Variants in RARB observed in about 807,000 individuals in gnomAD.
The protein encoded by RARB is HBV-activated protein.
Under a neutral mutation model 51.9 loss-of-function variants are expected in RARB, and 17 were observed. The ratio of observed to expected loss-of-function variants is 0.33; its 90% CI spans 0.22 to 0.49. The LOEUF is 0.49. Ranked by LOEUF, RARB falls within the 20% of genes least tolerant of loss-of-function variation. The probability of loss-of-function intolerance (pLI) is 0.99; values close to 1 mark genes in which losing one functional copy is unlikely to be tolerated. For missense variants in RARB, 369 were observed against 550.8 expected, an observed-to-expected ratio of 0.67 and a Z score of 3.30; for synonymous variants, 215 against 195.4, an observed-to-expected ratio of 1.10 and a Z score of -0.84.
At chr3:25,224,844 A>T (rs900224363) in intron 5 of RARB, among the ~76,000 whole-genome samples, 4 of 151,918 alleles carry the variant, frequency 2.6e-5, no homozygotes, top group Non-Finnish European at 4.4e-5. Context: ...GGCTCGAGCA[A>T]TCCACCCGCC....
chr3:24,872,864 T>C lies in RARB; in HGVS notation c.-380+14112T>C, dbSNP rs528514090. Reference sequence around the variant, plus strand: ...TGTAATATTACAGACTTAACACACATGCACATCCCTTACTCATCCCTGCGC... The same window carrying C: ...TGTAATATTACAGACTTAACACACACGCACATCCCTTACTCATCCCTGCGC... On this transcript the variant is annotated intron_variant, in intron 2 of 11. Coordinates refer to the RARB transcript ENST00000383772. Among the ~76,000 whole-genome samples the C allele has an allele frequency of 5.3e-5, 8 of 152,306 alleles. No homozygotes were observed. In the South Asian group the frequency reaches 1.7e-3, roughly 32 times the overall value.
At chr3:25,460,925 T>C (rs1206102530) in intron 1 of RARB, among the ~76,000 whole-genome samples, 2 of 152,104 alleles carry the variant, frequency 1.3e-5, no homozygotes, top group Non-Finnish European at 2.9e-5. Context: ...GTGGCTAAAA[T>C]TGTGATAAAA....
At chr3:25,453,428 G>A (rs1709285839) in intron 1 of RARB, among the ~76,000 whole-genome samples, 1 of 151,828 alleles carries the variant, frequency 6.6e-6, no homozygotes, top group South Asian at 2.1e-4. Context: ...TGTATTTTTA[G>A]TAGAGATGGG....
chr3:25,365,199 CTTTTTTTTTTT>C (rs3035063), intron 5 of RARB, among the ~76,000 whole-genome samples: 11 of 75,456 alleles, frequency 1.5e-4, no homozygotes, highest in Admixed American at 7.3e-4. Flanking sequence ...TTCTTTCTTT[CTTTTTTTTTTT>C]TTTTTTTTTT....
intron 5 of RARB, among the ~76,000 whole-genome samples, chr3:25,395,149 T>C (rs1460234929): frequency 6.6e-6 from 1 of 152,198 alleles, no homozygotes; most frequent in Non-Finnish European, 1.5e-5. Context: ...TTGTCTTTCG[T>C]TCATTTATTA....
chr3:25,066,474 A>G (rs1379059868), intron 3 of RARB, among the ~76,000 whole-genome samples: 1 of 152,198 alleles, frequency 6.6e-6, no homozygotes, highest in Non-Finnish European at 1.5e-5. Flanking sequence ...ACTTAGGAAT[A>G]AAGGCAGTAT....
chr3:25,572,875 A>G (rs890084008), intron 4 of RARB, among the ~76,000 whole-genome samples: 3 of 152,096 alleles, frequency 2.0e-5, no homozygotes, highest in Non-Finnish European at 2.9e-5. Flanking sequence ...TCACCTAGTA[A>G]TCAGGTGAAA....
intron 5 of RARB, chr3:25,352,429 A>T (rs1317845244): frequency 1.1e-4 from 16 of 152,192 alleles, no homozygotes; most frequent in African/African-American, 3.6e-4. Context: ...AACAGCCTTG[A>T]GGCCTCTGAT....
At chr3:25,449,109 C>T (rs985377839) in intron 1 of RARB, among the ~76,000 whole-genome samples, 2 of 152,080 alleles carry the variant, frequency 1.3e-5, no homozygotes, top group African/African-American at 4.8e-5. Context: ...TCCTCTCCTC[C>T]TCTGCCTCCC....
chr3:25,148,675 G>T (rs1700233762), intron 4 of RARB, among the ~76,000 whole-genome samples: 1 of 152,122 alleles, frequency 6.6e-6, no homozygotes, highest in Non-Finnish European at 1.5e-5. Context: ...ATATCTCATA[G>T]CTCTGTGCCT....
intron 5 of RARB, among the ~76,000 whole-genome samples, chr3:25,246,817 C>G (rs140483228): frequency 1.3e-5 from 2 of 152,174 alleles, no homozygotes; most frequent in Non-Finnish European, 2.9e-5. Context: ...CACTTGAGGA[C>G]GCAGTCTGTC....
At chr3:25,019,899 TAAAG>T (rs1219818423) in intron 2 of RARB, among the ~76,000 whole-genome samples, 1 of 151,990 alleles carries the variant, frequency 6.6e-6, no homozygotes, top group African/African-American at 2.4e-5. Context: ...CTTGGGAGAT[TAAAG>T]AGACTCTCAA....
chr3:25,494,558 C>T lies in RARB; in HGVS notation c.307-6624C>T, dbSNP rs1226594791. ...TTCACTGTCTGCTTCCATAAAAGTTCTTATCGCACTGCTTGGTGGCATCTT... is the reference window on the plus strand; with the variant it reads ...TTCACTGTCTGCTTCCATAAAAGTTTTTATCGCACTGCTTGGTGGCATCTT... On this transcript the variant is annotated intron_variant, in intron 2 of 7. Coordinates refer to ENST00000330688, the MANE Select transcript of RARB (RefSeq NM_000965.5). Among the ~76,000 whole-genome samples, 5 of 152,140 alleles carry T rather than the reference C, an allele frequency of 3.3e-5. No individual in the cohort carries two copies. In the East Asian group the frequency reaches 9.6e-4, roughly 29 times the overall value.
At chr3:25,177,453 G>C (rs1700777883) in intron 5 of RARB, among the ~76,000 whole-genome samples, 1 of 152,208 alleles carries the variant, frequency 6.6e-6, no homozygotes. Context: ...ACTCTGTAAA[G>C]AGATTCATGT....
At chr3:25,440,729 C>T (rs1161992027) in intron 1 of RARB, among the ~76,000 whole-genome samples, 10 of 151,980 alleles carry the variant, frequency 6.6e-5, no homozygotes, top group South Asian at 2.1e-4. Context: ...GCCGAGATCG[C>T]GCCACTGCAC....
chr3:24,862,520 GTATC>G (rs1225164141), intron 2 of RARB, among the ~76,000 whole-genome samples: 1 of 152,138 alleles, frequency 6.6e-6, no homozygotes, highest in Non-Finnish European at 1.5e-5. Flanking sequence ...GTGATTCTTA[GTATC>G]ACAATAAAAT....
chr3:24,874,868 T>G (rs1338375236), intron 2 of RARB, among the ~76,000 whole-genome samples: 1 of 152,072 alleles, frequency 6.6e-6, no homozygotes, highest in Non-Finnish European at 1.5e-5. Flanking sequence ...TTAAAGTTTT[T>G]TCTCACTGCA....
chr3:25,071,673 C>A (rs1698769732), intron 3 of RARB, among the ~76,000 whole-genome samples: 1 of 152,178 alleles, frequency 6.6e-6, no homozygotes, highest in African/African-American at 2.4e-5. Flanking sequence ...GAATGCTGAT[C>A]AATGGCATGA....
chr3:25,136,246 T>C (rs1423281566), intron 4 of RARB, among the ~76,000 whole-genome samples: 2 of 152,028 alleles, frequency 1.3e-5, no homozygotes, highest in Non-Finnish European at 2.9e-5. Flanking sequence ...CTCTTGAAGA[T>C]AGTATGTGCA....
Sources: allele counts gnomAD v4.1 joint callset (sites outside exome capture counted in the v4.1 genomes callset), GRCh38; gene constraint gnomAD v4.1.1; transcripts MANE v1.5; gene names NCBI Gene and HGNC (gene_info 2026-07-23, HGNC 2026-07-21).